UBE3C: variants seen among roughly 807,000 people sequenced by gnomAD.
UBE3C encodes ubiquitin protein ligase E3C, also known as ubiquitin-protein ligase E3C.
In UBE3C, 42 loss-of-function variants were observed where a neutral mutation model predicts 129.4. The ratio of observed to expected loss-of-function variants is 0.32; its 90% CI spans 0.25 to 0.42. The LOEUF (loss-of-function observed/expected upper bound fraction) is 0.42, where lower values mean the gene tolerates loss of function less well. Ranked by LOEUF, UBE3C falls within the 10% of genes least tolerant of loss-of-function variation. UBE3C has a pLI of 1.00. For missense variants in UBE3C, 1,049 were observed against 1,319.1 expected (o/e 0.80, Z 3.17); for synonymous variants, 510 against 492.4 (o/e 1.04, Z -0.47).
chr7:157,225,394 CCTT>C lies in UBE3C; in HGVS notation c.2101-12_2101-10del. On this transcript the variant is annotated splice_polypyrimidine_tract_variant and intron_variant, in intron 16 of 22. Coordinates refer to ENST00000348165, the MANE Select transcript of UBE3C (RefSeq NM_014671.3). ...TTGTTTCTAATAACCTTACAGCTTT[CCTT>C]GTTTGTTAGATCTTTCAGAGGTTGA... 1 of 1,589,390 alleles carries C rather than the reference CCTT, an allele frequency of 6.3e-7. No individual in the cohort carries two copies. Among genetic ancestry groups the C allele is most frequent in the Non-Finnish European group, 8.5e-7 (1 of 1,173,518 alleles).
intron 4 of UBE3C, among the ~76,000 whole-genome samples, chr7:157,174,246 G>A (rs895456097): frequency 2.0e-5 from 3 of 151,992 alleles, no homozygotes; most frequent in South Asian, 2.1e-4. Flanking sequence ...CCCGTAATCC[G>A]AGCTACTTGG....
chr7:157,215,812 A>G (rs1795549697), intron 13 of UBE3C, among the ~76,000 whole-genome samples: 1 of 152,120 alleles, frequency 6.6e-6, no homozygotes, highest in Non-Finnish European at 1.5e-5. Context: ...ATGCATTTCT[A>G]TTCGGTAGAG....
chr7:157,192,159 A>C (rs769646685), intron 10 of UBE3C, among the ~76,000 whole-genome samples: 3 of 152,242 alleles, frequency 2.0e-5, no homozygotes, highest in Non-Finnish European at 2.9e-5. Flanking sequence ...AATATCATTC[A>C]TAGTTCTGAA....
At chr7:157,178,293 C>T (rs1808577647) in intron 5 of UBE3C, among the ~76,000 whole-genome samples, 1 of 152,122 alleles carries the variant, frequency 6.6e-6, no homozygotes, top group Non-Finnish European at 1.5e-5. Context: ...TGGAAAGTCT[C>T]AAAAGCATCT....
chr7:157,139,389 G>C, intron 1 of UBE3C, 51 bp downstream of exon 1: 1 of 1,510,796 alleles, frequency 6.6e-7, no homozygotes, highest in African/African-American at 1.4e-5. Context: ...GCGCGGCCGG[G>C]GCTCGGGGCT....
At chr7:157,261,774 A>T (rs1796920529) in intron 22 of UBE3C, among the ~76,000 whole-genome samples, 2 of 152,208 alleles carry the variant, frequency 1.3e-5, no homozygotes, top group African/African-American at 4.8e-5. Flanking sequence ...TGTTTAATAA[A>T]TGTGATTGTT....
At chr7:157,238,334 T>C (rs1796206601) in intron 18 of UBE3C, among the ~76,000 whole-genome samples, 1 of 151,748 alleles carries the variant, frequency 6.6e-6, no homozygotes, top group Non-Finnish European at 1.5e-5. Flanking sequence ...TTGGCTTTGG[T>C]GTAAGTAGCT....
rs983302817 is a variant in UBE3C at position 157,267,713 on chromosome 7, T to C, written c.3210T>C (p.Leu1070=). The part of the protein sequence containing the change: ...FYDETLLRSK[L]LYAIECAAGF... The stretch of plus-strand genomic sequence containing the variant: ...ACGAGACACTTTTGCGAAGTAAACT[T>C]CTCTATGCGATTGAATGTGCCGCTG... The change falls in exon 23 of 23, where the codon CTT becomes CTC. Residue 1070 remains leucine, a synonymous_variant. Coordinates refer to ENST00000348165, the MANE Select transcript of UBE3C (RefSeq NM_014671.3). 1.2e-6 allele frequency: 2 copies of C among 1,612,822 alleles called. No individual in the cohort carries two copies. Among genetic ancestry groups the C allele is most frequent in the African/African-American group, 2.7e-5 (2 of 74,816 alleles).
chr7:157,214,587 A>G (rs1809684381), intron 13 of UBE3C, among the ~76,000 whole-genome samples: 1 of 152,206 alleles, frequency 6.6e-6, no homozygotes, highest in Non-Finnish European at 1.5e-5. Flanking sequence ...TAACTATTAA[A>G]TCTGGATTTA....
At chr7:157,257,173 T>A in intron 22 of UBE3C, 129 bp downstream of exon 22, 1 of 1,279,552 alleles carries the variant, frequency 7.8e-7, no homozygotes, top group Non-Finnish European at 1.1e-6. Flanking sequence ...GATTTTTAAT[T>A]AAGTACTGGT....
intron 2 of UBE3C, among the ~76,000 whole-genome samples, chr7:157,165,058 T>A (rs1808176976): frequency 6.6e-6 from 1 of 152,210 alleles, no homozygotes; most frequent in Non-Finnish European, 1.5e-5. Context: ...CCAGTAGCAC[T>A]CCGTTACCTC....
intron 10 of UBE3C, among the ~76,000 whole-genome samples, chr7:157,200,812 C>T (rs530265183): frequency 7.9e-5 from 12 of 152,132 alleles, no homozygotes; most frequent in East Asian, 1.9e-4. Context: ...GATGAGGTCT[C>T]ACCACATTGC....
intron 10 of UBE3C, among the ~76,000 whole-genome samples, chr7:157,195,344 A>G (rs1372095241): frequency 6.6e-6 from 1 of 152,252 alleles, no homozygotes; most frequent in Non-Finnish European, 1.5e-5. Flanking sequence ...TTTAGAGAAT[A>G]TAAAAGAAGA....
At chr7:157,247,381 G>A (rs1796506284) in intron 18 of UBE3C, among the ~76,000 whole-genome samples, 1 of 152,186 alleles carries the variant, frequency 6.6e-6, no homozygotes, top group African/African-American at 2.4e-5. Context: ...GGTAACTGTT[G>A]TCTCTATTGT....
At position 157,204,070 on chromosome 7, in the gene UBE3C, T is replaced by C. The variant is rs929765115; in HGVS notation, c.1418+2263T>C. Among the ~76,000 whole-genome samples the C allele has an allele frequency of 2.0e-5, 3 of 152,222 alleles. No homozygotes were observed. The South Asian group carries it at 6.2e-4, about 31-fold the overall frequency. ...GCGTAAAAACAGAATGGTTTATGGA[T>C]ACTCGAAGTATGGTTTCTACTGAAT... On this transcript the variant is annotated intron_variant, in intron 11 of 22. Transcript: ENST00000348165.
intron 13 of UBE3C, among the ~76,000 whole-genome samples, chr7:157,214,778 T>G (rs183931127): frequency 3.3e-5 from 5 of 152,360 alleles, no homozygotes; most frequent in Admixed American, 3.3e-4. Context: ...TCATCTTTGC[T>G]TTTGAAGAGT....
chr7:157,140,428 T>A (rs1399717720), intron 1 of UBE3C, among the ~76,000 whole-genome samples: 1 of 152,194 alleles, frequency 6.6e-6, no homozygotes, highest in Non-Finnish European at 1.5e-5. Context: ...GTTCGTGTGA[T>A]GGTGATTGCT....
chr7:157,222,411 CT>C (rs933012840), intron 15 of UBE3C: 20 of 146,374 alleles, frequency 1.4e-4, no homozygotes, highest in East Asian at 6.0e-4. Context: ...TAACACTTTA[CT>C]TTTTTTTTTT....
In UBE3C at chr7:157,231,356, C is replaced by G. The variant is rs144933531; in HGVS notation, c.2481+29C>G. 2.0e-4 allele frequency: 325 copies of G among 1,606,294 alleles called. 2 individuals are homozygous for G. The East Asian group carries it at 6.8e-3, about 34-fold the overall frequency. ...AAGTAACCTTCATATAAAAATAGAC[C>G]TCGGACCAAAAGATGTTGACATTTT... On this transcript the variant is annotated intron_variant, in intron 18 of 22. Transcript: ENST00000348165.
Sources: allele counts gnomAD v4.1 joint callset (sites outside exome capture counted in the v4.1 genomes callset), GRCh38; gene constraint gnomAD v4.1.1; transcripts MANE v1.5; gene names NCBI Gene and HGNC (gene_info 2026-07-23, HGNC 2026-07-21).